Variants in CNTN4 observed in about 807,000 individuals in gnomAD.
CNTN4 encodes contactin 4.
In CNTN4, 77 loss-of-function variants were observed where a neutral mutation model predicts 122.5. That is an observed-to-expected ratio of 0.63 (90% CI 0.52 to 0.76). The LOEUF is 0.76. Ranked by LOEUF, CNTN4 falls within the 30% of genes least tolerant of loss-of-function variation. The pLI is 0.00. For missense variants in CNTN4, 1,256 were observed against 1,259.1 expected (o/e 1.00, Z 0.04); for synonymous variants, 512 against 447.0 (o/e 1.15, Z -1.83).
intron 4 of CNTN4, among the ~76,000 whole-genome samples, chr3:2,638,585 A>T (rs986398492): frequency 6.6e-6 from 1 of 152,086 alleles, no homozygotes; most frequent in Non-Finnish European, 1.5e-5. Flanking sequence ...ACCTATTTTA[A>T]TTCTATTCAC....
rs576949765 is a variant in CNTN4, at chr3:2,495,577, C to T, written c.-88-75839C>T. On this transcript the variant is annotated intron_variant, in intron 3 of 24. Coordinates refer to ENST00000418658, the MANE Select transcript of CNTN4 (RefSeq NM_175607.3). ...TGCACAGCAGGAGATGAGCAGCAGG[C>T]GAGCGAGCATTACCTCCTGAGCTCT... Among the ~76,000 whole-genome samples, 217 of 152,278 alleles carry T rather than the reference C, an allele frequency of 1.4e-3. 1 individual carries two copies. Among genetic ancestry groups the T allele is most frequent in the Non-Finnish European group, 2.5e-3 (172 of 68,028 alleles).
intron 6 of CNTN4, among the ~76,000 whole-genome samples, 155 bp downstream of exon 6, chr3:2,745,852 G>T (rs1031298925): frequency 1.3e-5 from 2 of 152,156 alleles, no homozygotes; most frequent in Non-Finnish European, 2.9e-5. Flanking sequence ...AATTTTATTT[G>T]TAGGATAAAC....
In CNTN4 at chr3:2,530,966, G is replaced by T. The variant is rs77644656; in HGVS notation, c.-88-40450G>T. Among the ~76,000 whole-genome samples, 397 of 152,210 alleles carry T rather than the reference G, an allele frequency of 2.6e-3. 4 individuals are homozygous for T. The highest frequency in any genetic ancestry group is 9.2e-3 in the African/African-American group (383 of 41,526). ...AGTCTCTTACCTTGTTTATTCAGTT[G>T]TGTTAATTTGGCAGTTAAAAGAATT... is the stretch of plus-strand genomic sequence containing the variant. On this transcript the variant is annotated intron_variant, in intron 3 of 24. Transcript: ENST00000418658.
intron 3 of CNTN4, among the ~76,000 whole-genome samples, chr3:2,378,015 T>C (rs1258095047): frequency 6.6e-6 from 1 of 152,226 alleles, no homozygotes; most frequent in Non-Finnish European, 1.5e-5. Context: ...CAGTTGTCTG[T>C]ATGAGATGGC....
chr3:2,530,728 A>G (rs1159606238), intron 3 of CNTN4, among the ~76,000 whole-genome samples: 6 of 152,164 alleles, frequency 3.9e-5, no homozygotes, highest in Non-Finnish European at 8.8e-5. Flanking sequence ...TATTATTTAG[A>G]GAACACTTAT....
At chr3:2,717,261 T>C (rs1455761686) in intron 4 of CNTN4, among the ~76,000 whole-genome samples, 1 of 152,172 alleles carries the variant, frequency 6.6e-6, no homozygotes, top group Non-Finnish European at 1.5e-5. Context: ...TGGCTCACTG[T>C]TCCTAAATTG....
intron 3 of CNTN4, among the ~76,000 whole-genome samples, chr3:2,360,657 C>G (rs9838368): frequency 9.2e-5 from 14 of 152,222 alleles, no homozygotes; most frequent in African/African-American, 3.1e-4. Context: ...AAGCAAGGAA[C>G]CTTCTTCACA....
chr3:2,369,048 C>T (rs57756639), intron 3 of CNTN4, among the ~76,000 whole-genome samples: 56,759 of 151,958 alleles, frequency 0.37, 10,792 homozygotes, highest in Middle Eastern at 0.48. Flanking sequence ...CCTCAGCTCC[C>T]GAGTAGCTGG....
intron 3 of CNTN4, among the ~76,000 whole-genome samples, chr3:2,460,507 TA>T (rs1045190066): frequency 3.3e-5 from 5 of 152,108 alleles, no homozygotes; most frequent in African/African-American, 1.2e-4. Context: ...ATTAAGGAGA[TA>T]GGGGCAGATA....
At chr3:2,411,780 T>C (rs189575167) in intron 3 of CNTN4, among the ~76,000 whole-genome samples, 44 of 152,308 alleles carry the variant, frequency 2.9e-4, no homozygotes, top group Non-Finnish European at 5.7e-4. Context: ...GCCTTTTTGC[T>C]TTTATTCTGT....
chr3:2,173,918 A>G (rs895770105), intron 2 of CNTN4, among the ~76,000 whole-genome samples: 15 of 152,216 alleles, frequency 9.9e-5, no homozygotes, highest in African/African-American at 3.4e-4. Context: ...CAAAGAGGGT[A>G]GCTGTTGTTG....
At chr3:2,135,817 G>C (rs1305603449) in intron 2 of CNTN4, among the ~76,000 whole-genome samples, 1 of 152,188 alleles carries the variant, frequency 6.6e-6, no homozygotes, top group Non-Finnish European at 1.5e-5. Context: ...ATGGTTCCTG[G>C]TCTACAGCGA....
chr3:2,769,782 C>A (rs530344528), intron 6 of CNTN4, among the ~76,000 whole-genome samples: 1 of 152,288 alleles, frequency 6.6e-6, no homozygotes, highest in East Asian at 1.9e-4. Context: ...ATGCTTCTTG[C>A]CTGCAGCACA....
At chr3:2,695,222 G>C (rs1454851724) in intron 4 of CNTN4, among the ~76,000 whole-genome samples, 1 of 152,104 alleles carries the variant, frequency 6.6e-6, no homozygotes, top group Non-Finnish European at 1.5e-5. Context: ...ACGTATTACT[G>C]AGTGAATGGA....
chr3:2,491,230 C>T (rs545288592), intron 3 of CNTN4, among the ~76,000 whole-genome samples: 32 of 152,182 alleles, frequency 2.1e-4, no homozygotes, highest in Admixed American at 1.4e-3. Context: ...AACAAATTCA[C>T]CCCCAAATGT....
intron 2 of CNTN4, among the ~76,000 whole-genome samples, chr3:2,197,548 A>G (rs1180787054): frequency 6.6e-6 from 1 of 152,134 alleles, no homozygotes. Flanking sequence ...GGGAAGATGG[A>G]GACTCATAGG....
intron 3 of CNTN4, among the ~76,000 whole-genome samples, chr3:2,400,430 T>TATATATATATACAC (rs1553640934): frequency 1.5e-5 from 1 of 68,554 alleles, no homozygotes; most frequent in African/African-American, 5.5e-5. Flanking sequence ...TATATATACA[T>TATATATATATACAC]ATATATATAT....
At chr3:2,170,217 G>C (rs954159103) in intron 2 of CNTN4, among the ~76,000 whole-genome samples, 4 of 151,872 alleles carry the variant, frequency 2.6e-5, no homozygotes, top group African/African-American at 7.3e-5. Context: ...CTACTCGGGA[G>C]GCTGAGGCGG....
At chr3:2,368,114 G>A (rs1408561755) in intron 3 of CNTN4, among the ~76,000 whole-genome samples, 3 of 145,624 alleles carry the variant, frequency 2.1e-5, no homozygotes, top group African/African-American at 7.7e-5. Context: ...CTCACTGCAA[G>A]CTCTGCCTCC....
Sources: gnomAD v4.1 joint callset for allele counts (sites outside exome capture counted in the v4.1 genomes callset) on GRCh38, gnomAD v4.1.1 for gene constraint, MANE v1.5 for transcripts, NCBI Gene and HGNC (gene_info 2026-07-23, HGNC 2026-07-21) for gene names.